PCCA: variants seen among roughly 807,000 people sequenced by gnomAD.
PCCA encodes the protein propionyl-CoA carboxylase subunit alpha.
In PCCA, 74 loss-of-function variants were observed where a neutral mutation model predicts 101.3. The ratio of observed to expected loss-of-function variants is 0.73; its 90% CI spans 0.61 to 0.89. PCCA has a LOEUF of 0.89. PCCA is among the 40% of genes least tolerant of loss of function. The pLI, the probability that PCCA is intolerant of heterozygous loss-of-function variation, is 0.00. For missense variants in PCCA, 891 were observed against 907.0 expected, an observed-to-expected ratio of 0.98 and a Z score of 0.23; for synonymous variants, 294 against 313.6, an observed-to-expected ratio of 0.94 and a Z score of 0.66.
intron 21 of PCCA, among the ~76,000 whole-genome samples, chr13:100,455,179 T>C (rs1384327665): frequency 6.6e-6 from 1 of 152,134 alleles, no homozygotes; most frequent in Non-Finnish European, 1.5e-5. Flanking sequence ...AAGGGTGGAA[T>C]AAAATGTTGG....
intron 20 of PCCA, among the ~76,000 whole-genome samples, chr13:100,428,509 G>A (rs558978629): frequency 2.1e-4 from 32 of 152,114 alleles, no homozygotes; most frequent in South Asian, 1.9e-3. Flanking sequence ...AACTTGGTCC[G>A]TGGCAGTCAT....
At chr13:100,481,907 C>T (rs564566226) in intron 21 of PCCA, among the ~76,000 whole-genome samples, 2 of 152,324 alleles carry the variant, frequency 1.3e-5, no homozygotes, top group South Asian at 2.1e-4. Context: ...GGTGAAAGCT[C>T]AGGCAGACCC....
chr13:100,280,041 A>G (rs1473428502), intron 12 of PCCA, among the ~76,000 whole-genome samples: 1 of 147,112 alleles, frequency 6.8e-6, no homozygotes, highest in Non-Finnish European at 1.5e-5. Flanking sequence ...ACAGAAATGC[A>G]TCTTCACTTT....
At chr13:100,106,138 G>A (rs537522288) in intron 2 of PCCA, among the ~76,000 whole-genome samples, 1 of 150,010 alleles carries the variant, frequency 6.7e-6, no homozygotes, top group East Asian at 2.0e-4. Context: ...GCAGAATATT[G>A]TTTTTTTTTG....
intron 1 of PCCA, among the ~76,000 whole-genome samples, chr13:100,091,748 T>G (rs2046301870): frequency 6.6e-6 from 1 of 152,196 alleles, no homozygotes; most frequent in Admixed American, 6.5e-5. Context: ...TTAGGGTATA[T>G]GTAGAGTTCA....
intron 21 of PCCA, among the ~76,000 whole-genome samples, chr13:100,456,505 G>A (rs2081723855): frequency 6.6e-6 from 1 of 152,172 alleles, no homozygotes; most frequent in Non-Finnish European, 1.5e-5. Context: ...TCAAGATGCG[G>A]AGACCGGTAG....
At chr13:100,306,530 A>G (rs1278594604) in intron 14 of PCCA, among the ~76,000 whole-genome samples, 1 of 152,196 alleles carries the variant, frequency 6.6e-6, no homozygotes, top group African/African-American at 2.4e-5. Flanking sequence ...GTGATGTACT[A>G]ACTCACTCGT....
In PCCA at chr13:100,276,213, CAAA is replaced by C. The variant is rs59671834; in HGVS notation, c.1065+2896_1065+2898del. ...TAACATAGTGAGAACTTGTCTGTAC[CAAA>C]AAAAAAAAAAAAAAAAAAAAAAAAA... On this transcript the variant is annotated intron_variant, in intron 12 of 23. Transcript: ENST00000376285. Among the ~76,000 whole-genome samples the C allele has an allele frequency of 5.7e-4, 58 of 102,088 alleles. 1 individual carries two copies. The South Asian group carries it at 0.013, about 24-fold the overall frequency. The allele number at this position is 102,088 out of a possible 152,430, so 67.0% of individuals were successfully genotyped here.
intron 19 of PCCA, among the ~76,000 whole-genome samples, chr13:100,414,836 A>G (rs755086242): frequency 3.3e-5 from 5 of 152,216 alleles, no homozygotes; most frequent in African/African-American, 1.2e-4. Context: ...AAATGATAAG[A>G]ACTAAAAAGA....
chr13:100,282,021 T>G (rs4772278), intron 12 of PCCA, among the ~76,000 whole-genome samples: 2 of 152,054 alleles, frequency 1.3e-5, no homozygotes, highest in African/African-American at 2.4e-5. Flanking sequence ...GATCTTTGTG[T>G]GATAGTGAAA....
chr13:100,320,469 A>T (rs1420823681), intron 16 of PCCA, among the ~76,000 whole-genome samples: 3 of 152,112 alleles, frequency 2.0e-5, no homozygotes, highest in Admixed American at 2.0e-4. Flanking sequence ...GTTTGTCATA[A>T]ATAGCTCTTA....
chr13:100,295,210 T>A (rs1351492065), intron 12 of PCCA, among the ~76,000 whole-genome samples: 1 of 152,220 alleles, frequency 6.6e-6, no homozygotes, highest in Non-Finnish European at 1.5e-5. Context: ...AGAATCTTTC[T>A]GAACAGACAG....
chr13:100,151,137 GTTTAA>G lies in PCCA; in HGVS notation c.301-3837_301-3833del, dbSNP rs1171811128. The G allele has an allele frequency of 4.9e-6, 5 of 1,014,890 alleles. 1 individual carries two copies. The East Asian group carries it at 1.2e-4, about 24-fold the overall frequency. 62.9% of individuals were successfully genotyped at this position (1,014,890 alleles called of 1,614,324 possible). On this transcript the variant is annotated intron_variant, in intron 4 of 23. Coordinates refer to ENST00000376285, the MANE Select transcript of PCCA (RefSeq NM_000282.4). ...GCTGCTGCCAGACGGAAGAAAAGAAGTTTAATTTATTTTTTAAAAGTTAATAAAGA... is the reference window on the plus strand; with the variant it reads ...GCTGCTGCCAGACGGAAGAAAAGAAGTTTATTTTTTAAAAGTTAATAAAGA...
intron 2 of PCCA, among the ~76,000 whole-genome samples, chr13:100,111,011 A>ATTAT (rs1055279959): frequency 2.0e-5 from 3 of 150,762 alleles, no homozygotes; most frequent in Non-Finnish European, 3.0e-5. Context: ...TTGTATTTAA[A>ATTAT]TTATTTATTT....
intron 6 of PCCA, among the ~76,000 whole-genome samples, chr13:100,167,749 A>G (rs1339172068): frequency 1.3e-5 from 2 of 152,142 alleles, no homozygotes; most frequent in East Asian, 3.8e-4. Context: ...AGTTTGCTAT[A>G]CAATCTCTTG....
At chr13:100,298,979 A>G (rs984054320) in intron 12 of PCCA, among the ~76,000 whole-genome samples, 5 of 151,968 alleles carry the variant, frequency 3.3e-5, no homozygotes, top group African/African-American at 1.2e-4. Context: ...TCTTTCAAAA[A>G]TGTTTAAAAT....
intron 16 of PCCA, among the ~76,000 whole-genome samples, chr13:100,314,805 C>G (rs2067197530): frequency 6.6e-6 from 1 of 152,154 alleles, no homozygotes; most frequent in Admixed American, 6.5e-5. Context: ...ACTAAAGACA[C>G]ATGACAACTA....
chr13:100,477,016 T>G (rs1321899617), intron 21 of PCCA, among the ~76,000 whole-genome samples: 1 of 152,258 alleles, frequency 6.6e-6, no homozygotes, highest in Non-Finnish European at 1.5e-5. Context: ...AATGTTATAG[T>G]TACTACTTCA....
chr13:100,386,865 T>G (rs1320791376), intron 19 of PCCA, among the ~76,000 whole-genome samples: 2 of 152,214 alleles, frequency 1.3e-5, no homozygotes, highest in African/African-American at 4.8e-5. Context: ...GAAGGATACA[T>G]CTCTTAGATC....
Sources: allele counts gnomAD v4.1 joint callset (sites outside exome capture counted in the v4.1 genomes callset), GRCh38; gene constraint gnomAD v4.1.1; transcripts MANE v1.5; gene names NCBI Gene and HGNC (gene_info 2026-07-23, HGNC 2026-07-21).